The following AOX1 variants were observed in gnomAD, a reference collection of about 807,000 sequenced individuals.
AOX1 encodes aldehyde oxidase.
In AOX1, 153 loss-of-function variants were observed where a neutral mutation model predicts 169.5. That is an observed-to-expected ratio of 0.90 (90% CI 0.79 to 1.03). AOX1 has a LOEUF of 1.03. AOX1 is among the 50% of genes least tolerant of loss of function. The pLI is 0.00. For synonymous variants in AOX1, 562 were observed against 581.9 expected (o/e 0.97, Z 0.49); for missense variants, 1,656 against 1,663.9 (o/e 1.00, Z 0.08).
At chr2:200,612,839 T>C (rs778406460) in intron 14 of AOX1, 46 bp downstream of exon 14, 1 of 1,504,000 alleles carries the variant, frequency 6.6e-7, no homozygotes, top group Non-Finnish European at 9.0e-7. Context: ...GTCCTTAGAC[T>C]CCAAGTATTA....
intron 3 of AOX1, 143 bp downstream of exon 3, chr2:200,595,511 A>G (rs1301467223): frequency 7.6e-6 from 4 of 523,564 alleles, no homozygotes; most frequent in African/African-American, 3.9e-5. Flanking sequence ...CAAGACAGAC[A>G]TGGTCCTAGG....
At position 200,659,212 on chromosome 2, in the gene AOX1, TGGAACAAG is replaced by T; in HGVS notation, c.3220_3227del (p.Gly1074HisfsTer6). 6.2e-7 allele frequency: 1 copy of T among 1,614,012 alleles called. No homozygotes were observed. Among genetic ancestry groups the T allele is most frequent in the Non-Finnish European group, 8.5e-7 (1 of 1,179,910 alleles). ...TGCCAATGTCGAATGTCCACCTGCG[TGGAACAAG>T]CACAGAAACTGTCCCTAATGCAAAT... On this transcript the variant is annotated frameshift_variant, in exon 28 of 35. Coordinates refer to ENST00000374700, the MANE Select transcript of AOX1 (RefSeq NM_001159.4). LOFTEE classifies it high-confidence loss of function.
intron 21 of AOX1, among the ~76,000 whole-genome samples, chr2:200,636,117 CTT>C (rs765127387): frequency 5.5e-3 from 295 of 53,846 alleles, no homozygotes; most frequent in Middle Eastern, 0.02. Context: ...GTGAGAAGTG[CTT>C]TTTTTTTTTT....
In AOX1 at chr2:200,670,932, C is replaced by T. The variant is rs754070861; in HGVS notation, c.*253C>T. ...TCCTCTAGGGTGATATCCGTCATTA[C>T]TCTGTCTCTTCAATCCATCCAGCTA... On this transcript the variant is annotated 3_prime_UTR_variant, in exon 35 of 35. Coordinates refer to ENST00000374700, the MANE Select transcript of AOX1 (RefSeq NM_001159.4). 2.0e-5 allele frequency: 8 copies of T among 400,918 alleles called. No homozygotes were observed. The highest frequency in any genetic ancestry group is 8.0e-5 in the Admixed American group (2 of 25,042). The allele number at this position is 400,918 out of a possible 1,614,324, so 24.8% of individuals were successfully genotyped here.
chr2:200,612,837 ACTC>A (rs1241990747), intron 14 of AOX1, 44 bp downstream of exon 14: 2 of 1,533,608 alleles, frequency 1.3e-6, no homozygotes, highest in Non-Finnish European at 8.8e-7. Flanking sequence ...TTGTCCTTAG[ACTC>A]CAAGTATTAG....
In AOX1 at chr2:200,602,365, T is replaced by A; in HGVS notation, c.498+20T>A. ...TGTAAAGTAAGTGGAAAGGACCACATGTTTGAGTATGTTTTCCCCAGTGAA... is the reference window on the plus strand; with the variant it reads ...TGTAAAGTAAGTGGAAAGGACCACAAGTTTGAGTATGTTTTCCCCAGTGAA... On this transcript the variant is annotated intron_variant, in intron 6 of 34. Transcript: ENST00000374700. 6.2e-7 allele frequency: 1 copy of A among 1,607,142 alleles called. No homozygotes were observed. Among genetic ancestry groups the A allele is most frequent in the Non-Finnish European group, 8.5e-7 (1 of 1,174,316 alleles).
downstream of AOX1, among the ~76,000 whole-genome samples, chr2:200,677,824 T>C (rs561155980): frequency 3.4e-4 from 52 of 152,252 alleles, no homozygotes; most frequent in African/African-American, 1.2e-3. Context: ...TTTAGCATCG[T>C]TGGCCAAGAG....
intron 31 of AOX1, among the ~76,000 whole-genome samples, chr2:200,663,570 A>ACTCTCT (rs1231363640): frequency 1.6e-5 from 2 of 123,642 alleles, no homozygotes; most frequent in Non-Finnish European, 3.5e-5. Flanking sequence ...ACACACACAC[A>ACTCTCT]CACTCTCTCT....
chr2:200,676,017 T>C (rs1046195754), downstream of AOX1, among the ~76,000 whole-genome samples: 4 of 151,936 alleles, frequency 2.6e-5, no homozygotes, highest in Non-Finnish European at 5.9e-5. Context: ...AAATTATGTA[T>C]GCATGTATGT....
At chr2:200,613,027 T>TGTGAGAGA (rs112472592) in intron 14 of AOX1, among the ~76,000 whole-genome samples, 158 of 146,202 alleles carry the variant, frequency 1.1e-3, no homozygotes, top group African/African-American at 3.0e-3. Context: ...TGTGTGTGTG[T>TGTGAGAGA]GAGAGAGAGA....
At chr2:200,630,974 A>G (rs1241204339) in intron 20 of AOX1, among the ~76,000 whole-genome samples, 4 of 152,166 alleles carry the variant, frequency 2.6e-5, no homozygotes, top group Non-Finnish European at 4.4e-5. Flanking sequence ...GCAAACCTGC[A>G]CATCCTGCAC....
At chr2:200,620,169 G>A (rs191095905) in intron 16 of AOX1, among the ~76,000 whole-genome samples, 8 of 150,440 alleles carry the variant, frequency 5.3e-5, no homozygotes, top group Non-Finnish European at 1.0e-4. Flanking sequence ...TACTGTAGTA[G>A]GTTTATTGTC....
intron 16 of AOX1, 61 bp downstream of exon 16, chr2:200,616,124 C>A: frequency 8.4e-7 from 1 of 1,187,064 alleles, no homozygotes; most frequent in East Asian, 2.4e-5. Flanking sequence ...TTGACCTGGA[C>A]ATTCCCACTG....
At chr2:200,617,481 C>CAAAAAAAAAAAA (rs35035526) in intron 16 of AOX1, among the ~76,000 whole-genome samples, 6 of 58,182 alleles carry the variant, frequency 1.0e-4, no homozygotes, top group South Asian at 7.4e-4. Context: ...CAACTAACTG[C>CAAAAAAAAAAAA]AAAAAAAAAA....
chr2:200,668,176 G>A (rs934955768), intron 32 of AOX1, among the ~76,000 whole-genome samples: 21 of 151,240 alleles, frequency 1.4e-4, no homozygotes, highest in Non-Finnish European at 2.8e-4. Flanking sequence ...TGCAATCTCA[G>A]CTCACCGCAA....
chr2:200,609,656 G>A (rs765550483), intron 12 of AOX1, among the ~76,000 whole-genome samples: 37 of 152,170 alleles, frequency 2.4e-4, no homozygotes, highest in Middle Eastern at 3.4e-3. Context: ...CCCTACACTG[G>A]ACATGTTTGT....
chr2:200,655,991 C>T (rs2035674137), intron 26 of AOX1, among the ~76,000 whole-genome samples: 3 of 152,096 alleles, frequency 2.0e-5, no homozygotes, highest in African/African-American at 7.2e-5. Flanking sequence ...TTCTGAAGAC[C>T]TTGACATTAC....
At chr2:200,614,392 C>T (rs1363663014) in intron 15 of AOX1, among the ~76,000 whole-genome samples, 1 of 152,188 alleles carries the variant, frequency 6.6e-6, no homozygotes, top group African/African-American at 2.4e-5. Flanking sequence ...TGATGGCAGC[C>T]ACTGCACAAG....
rs773209019 is a variant in AOX1 at position 200,609,404 on chromosome 2, G to T, written c.1143G>T (p.Leu381Phe). The T allele has an allele frequency of 3.1e-6, 5 of 1,613,792 alleles. No individual in the cohort carries two copies. In the Admixed American group the frequency reaches 8.3e-5, roughly 27 times the overall value. The change falls in exon 12 of 35, where the codon TTG becomes TTT. Residue 381 changes from leucine to phenylalanine, a missense_variant. Physicochemically the swap from Leu to Phe is conservative, Grantham distance 22. Transcript: ENST00000374700. ...ILAVGNCTLN[L>F]LSKEGKRQIP... ...CTGTGGGTAACTGTACCCTCAACTT[G>T]CTATCAAAAGGTAAGTGACAGCCCC...
Sources: allele counts gnomAD v4.1 joint callset (sites outside exome capture counted in the v4.1 genomes callset), GRCh38; gene constraint gnomAD v4.1.1; transcripts MANE v1.5; gene names NCBI Gene and HGNC (gene_info 2026-07-23, HGNC 2026-07-21).